Variants in BTN2A1 observed in about 807,000 individuals in gnomAD.
The protein encoded by BTN2A1 is butyrophilin, subfamily 2, member A1.
BTN2A1 carries 41 observed loss-of-function variants against 34.5 expected under a neutral mutation model. That is an observed-to-expected ratio of 1.19 (90% CI 0.93 to 1.54). The LOEUF is 1.54. Ranked by LOEUF, BTN2A1 falls within the 40% of genes most tolerant of loss-of-function variation. The probability of loss-of-function intolerance (pLI) is 0.00; values close to 1 mark genes in which losing one functional copy is unlikely to be tolerated. For missense variants in BTN2A1, 642 were observed against 662.0 expected (o/e 0.97, Z 0.33); for synonymous variants, 267 against 258.6 (o/e 1.03, Z -0.31).
At chr6:26,459,895 C>T (rs912344610) in intron 3 of BTN2A1, 67 bp downstream of exon 3, 8 of 1,480,136 alleles carry the variant, frequency 5.4e-6, no homozygotes, top group East Asian at 4.8e-5. Context: ...TCTCTCCTAA[C>T]CTCAGGCCCA....
At chr6:26,470,061 A>G (rs1051857082), downstream of BTN2A1, among the ~76,000 whole-genome samples, 13 of 151,998 alleles carry the variant, frequency 8.6e-5, no homozygotes, top group Non-Finnish European at 1.5e-4. Flanking sequence ...AAAAACCAAA[A>G]CACAGGTCGG....
Position 26,468,036 on chromosome 6 carries a change from C to T in BTN2A1, c.1071C>T (p.His357=), listed in dbSNP as rs1275937631. 1.2e-6 allele frequency: 2 copies of T among 1,614,202 alleles called. No individual in the cohort carries two copies. Among genetic ancestry groups the T allele is most frequent in the Admixed American group, 3.3e-5 (2 of 60,030 alleles). ...GTGTGAGAAGGTGCCCCTTCAGGCA[C>T]CTAGGGGAGAGCGTGCCTGACAACC... ...RRSVRRCPFR[H]LGESVPDNPE... The change falls in exon 8 of 8, where the codon CAC becomes CAT. Residue 357 remains histidine, a synonymous_variant. Transcript: ENST00000312541.
chr6:26,462,303 G>T (rs181073755), intron 3 of BTN2A1, among the ~76,000 whole-genome samples: 1 of 152,262 alleles, frequency 6.6e-6, no homozygotes, highest in East Asian at 1.9e-4. Context: ...TTGAAAAAGT[G>T]GTATGGTTAT....
chr6:26,465,994 A>C, intron 6 of BTN2A1, 21 bp downstream of exon 6: 2 of 1,614,186 alleles, frequency 1.2e-6, no homozygotes, highest in Non-Finnish European at 1.7e-6. Context: ...CCTTTCCTTA[A>C]CTACATGTAC....
chr6:26,467,766 G>A lies in BTN2A1; in HGVS notation c.983-182G>A, dbSNP rs999627126. Reference sequence around the variant, plus strand: ...AGAGAACTGCTTCTGTCTCTGGAGAGACAGAAGTGCAGCTTCAGTAATTCT... The same window carrying A: ...AGAGAACTGCTTCTGTCTCTGGAGAAACAGAAGTGCAGCTTCAGTAATTCT... On this transcript the variant is annotated intron_variant, in intron 7 of 7. Coordinates refer to ENST00000312541, the MANE Select transcript of BTN2A1 (RefSeq NM_007049.5). 5.7e-6 allele frequency: 9 copies of A among 1,577,526 alleles called. No individual in the cohort carries two copies. The Admixed American group carries it at 9.8e-5, about 17-fold the overall frequency.
intron 7 of BTN2A1, 142 bp from the exon 8 acceptor site, chr6:26,467,806 C>A (rs544256355): frequency 6.4e-7 from 1 of 1,560,566 alleles, no homozygotes; most frequent in Non-Finnish European, 8.6e-7. Flanking sequence ...GTGTGAGCTG[C>A]CTAGGATCAG....
intron 4 of BTN2A1, 47 bp downstream of exon 4, chr6:26,463,572 C>T (rs950767630): frequency 6.3e-7 from 1 of 1,577,444 alleles, no homozygotes; most frequent in African/African-American, 1.3e-5. Flanking sequence ...GGGGGATCCT[C>T]AGCACACAGA....
chr6:26,468,656 AAG>A lies in BTN2A1; in HGVS notation c.*111_*112del. On this transcript the variant is annotated 3_prime_UTR_variant, in exon 8 of 8. Coordinates refer to ENST00000312541, the MANE Select transcript of BTN2A1 (RefSeq NM_007049.5). Reference sequence around the variant, plus strand: ...ACGCCCTCCTCCCCTCTGGTCACACAAGAGAACATCTTCCAGCTGCCTCTTTC... The same window carrying A: ...ACGCCCTCCTCCCCTCTGGTCACACAAGAACATCTTCCAGCTGCCTCTTTC... 1 of 1,613,700 alleles carries A rather than the reference AAG, an allele frequency of 6.2e-7. No individual in the cohort carries two copies. Among genetic ancestry groups the A allele is most frequent in the Non-Finnish European group, 8.5e-7 (1 of 1,179,922 alleles).
downstream of BTN2A1, among the ~76,000 whole-genome samples, chr6:26,470,900 A>T (rs1223202153): frequency 6.6e-6 from 1 of 152,068 alleles, no homozygotes; most frequent in Admixed American, 6.6e-5. Flanking sequence ...CCGTCATGGG[A>T]TTTCTCAGGC....
chr6:26,462,455 G>A lies in BTN2A1; in HGVS notation c.431-789G>A, dbSNP rs1763190198. Among the ~76,000 whole-genome samples, 3 of 152,214 alleles carry A rather than the reference G, an allele frequency of 2.0e-5. No homozygotes were observed. The South Asian group carries it at 6.2e-4, about 32-fold the overall frequency. On this transcript the variant is annotated intron_variant, in intron 3 of 7. Transcript: ENST00000312541. Reference sequence around the variant, plus strand: ...CTAGCTAGTTGGGAGACTGAAGCAGGAGGATCTCTTGAGCCCAGGAGTACA... The same window carrying A: ...CTAGCTAGTTGGGAGACTGAAGCAGAAGGATCTCTTGAGCCCAGGAGTACA...
chr6:26,472,083 A>G (rs1763462306), downstream of BTN2A1, among the ~76,000 whole-genome samples: 1 of 152,198 alleles, frequency 6.6e-6, no homozygotes, highest in East Asian at 1.9e-4. Context: ...GAAATGTCAT[A>G]CATGCCCCAG....
At chr6:26,459,957 A>G in intron 3 of BTN2A1, 129 bp downstream of exon 3, 1 of 919,608 alleles carries the variant, frequency 1.1e-6, no homozygotes, top group Non-Finnish European at 1.6e-6. Context: ...CTCCCTGTGG[A>G]AACGGAATTC....
At chr6:26,466,109 C>T (rs1252705380) in intron 7 of BTN2A1, 21 bp downstream of exon 7, 3 of 1,613,086 alleles carry the variant, frequency 1.9e-6, no homozygotes, top group Non-Finnish European at 2.5e-6. Flanking sequence ...CTGATGTTCC[C>T]TCAGATCTCA....
At chr6:26,466,217 C>T (rs1763312381) in intron 7 of BTN2A1, 129 bp downstream of exon 7, 7 of 1,361,066 alleles carry the variant, frequency 5.1e-6, no homozygotes, top group Non-Finnish European at 7.3e-6. Flanking sequence ...GTCAGTTCAT[C>T]AACAGTGTCC....
chr6:26,465,275 G>A lies in BTN2A1; in HGVS notation c.803G>A (p.Trp268Ter). ...ATACCCATTGCCGTATGCATCTATT[G>A]GATCAACAAACTCCAAAAGGAAAAA... ...LMIPIAVCIY[W>*]INKLQKEKKI... is the part of the protein sequence containing the mutation. Residue 268 changes from tryptophan to a stop codon, truncating the protein, a stop_gained, in exon 5 of 8, where the codon TGG becomes TAG. Coordinates refer to ENST00000312541, the MANE Select transcript of BTN2A1 (RefSeq NM_007049.5). LOFTEE classifies it high-confidence loss of function. The A allele has an allele frequency of 1.2e-6, 2 of 1,614,006 alleles. No individual in the cohort carries two copies. The highest frequency in any genetic ancestry group is 1.7e-6 in the Non-Finnish European group (2 of 1,179,992).
At chr6:26,460,634 G>T (rs2393668) in intron 3 of BTN2A1, among the ~76,000 whole-genome samples, 2,300 of 152,298 alleles carry the variant, frequency 0.015, 29 homozygotes, top group Non-Finnish European at 0.024. Flanking sequence ...TGGGCTGGGC[G>T]TGGTGGCTCA....
chr6:26,458,307 G>T (rs1046250597), intron 1 of BTN2A1, among the ~76,000 whole-genome samples, 165 bp downstream of exon 1: 1 of 152,152 alleles, frequency 6.6e-6, no homozygotes, highest in African/African-American at 2.4e-5. Flanking sequence ...CTGGGTCGCG[G>T]GGAGGAGGAA....
At chr6:26,464,730 T>C (rs1486889897) in intron 4 of BTN2A1, among the ~76,000 whole-genome samples, 1 of 152,216 alleles carries the variant, frequency 6.6e-6, no homozygotes, top group Non-Finnish European at 1.5e-5. Flanking sequence ...CATGGCATTG[T>C]AAGCCACAAA....
At position 26,459,494 on chromosome 6, in the gene BTN2A1, C is replaced by T. The variant is rs768301609; in HGVS notation, c.96C>T (p.Val32=). ...TTTGTTGAACAGCCCAGTTTATTGT[C>T]GTGGGGCCCACTGATCCCATCTTGG... ...LCALVSAQFI[V]VGPTDPILAT... Residue 32 remains valine (V), a synonymous_variant, in exon 3 of 8, where the codon GTC becomes GTT. Coordinates refer to ENST00000312541, the MANE Select transcript of BTN2A1 (RefSeq NM_007049.5). The T allele has an allele frequency of 6.8e-6, 11 of 1,613,748 alleles. No homozygotes were observed. In the Admixed American group the frequency reaches 8.3e-5, roughly 12 times the overall value.
Sources: allele counts gnomAD v4.1 joint callset (sites outside exome capture counted in the v4.1 genomes callset), GRCh38; gene constraint gnomAD v4.1.1; transcripts MANE v1.5; gene names NCBI Gene and HGNC (gene_info 2026-07-23, HGNC 2026-07-21).